WIPF2: variants seen among roughly 807,000 people sequenced by gnomAD.
WIPF2 encodes WAS/WASL interacting protein family member 2, also known as WAS/WASL-interacting protein family member 2.
Under a neutral mutation model 38.8 loss-of-function variants are expected in WIPF2, and 23 were observed. That is an observed-to-expected ratio of 0.59 (90% confidence interval 0.43 to 0.84). The LOEUF is 0.84. WIPF2 is among the 40% of genes least tolerant of loss of function. The pLI, the probability that WIPF2 is intolerant of heterozygous loss-of-function variation, is 0.00. For missense variants in WIPF2, 574 were observed against 580.5 expected (o/e 0.99, Z 0.11); for synonymous variants, 210 against 223.2 (o/e 0.94, Z 0.53).
At chr17:40,274,056 G>C in intron 6 of WIPF2, 57 bp downstream of exon 6, 1 of 1,403,012 alleles carries the variant, frequency 7.1e-7, no homozygotes, top group African/African-American at 1.5e-5. Flanking sequence ...ACCCACTCCA[G>C]TGCCATGGCT....
At chr17:40,251,378 ACC>A (rs2031557729) in intron 1 of WIPF2, among the ~76,000 whole-genome samples, 1 of 151,370 alleles carries the variant, frequency 6.6e-6, no homozygotes, top group East Asian at 1.9e-4. Context: ...CTCAAAGCAG[ACC>A]CTCTGCATTG....
chr17:40,278,371 C>T lies in WIPF2; in HGVS notation c.*146C>T, dbSNP rs1417988781. 14 of 892,450 alleles carry T rather than the reference C, an allele frequency of 1.6e-5. No individual in the cohort carries two copies. The East Asian group carries it at 3.7e-4, about 24-fold the overall frequency. 55.3% of individuals were successfully genotyped at this position (892,450 alleles called of 1,614,324 possible). On this transcript the variant is annotated 3_prime_UTR_variant, in exon 8 of 8. Transcript: ENST00000323571. ...CCCTAGACTCCAAATGTCCTCCCAGCTCACCTCCATCTATGCATCTCATCT... is the reference window on the plus strand; with the variant it reads ...CCCTAGACTCCAAATGTCCTCCCAGTTCACCTCCATCTATGCATCTCATCT...
chr17:40,224,057 A>G (rs919394057), intron 1 of WIPF2, among the ~76,000 whole-genome samples: 3 of 151,846 alleles, frequency 2.0e-5, no homozygotes, highest in Non-Finnish European at 4.4e-5. Flanking sequence ...GTTGCAGGCT[A>G]CAAAATATAT....
chr17:40,278,058 T>C, intron 7 of WIPF2, 127 bp from the exon 8 acceptor site: 1 of 1,130,688 alleles, frequency 8.8e-7, no homozygotes, highest in Non-Finnish European at 1.3e-6. Flanking sequence ...AAAACAATAA[T>C]AACACGTAGT....
chr17:40,258,578 G>A (rs1353525292), intron 2 of WIPF2, among the ~76,000 whole-genome samples: 5 of 151,926 alleles, frequency 3.3e-5, no homozygotes, highest in Non-Finnish European at 5.9e-5. Context: ...ATGACAGAGC[G>A]AGACTCTGTC....
chr17:40,263,505 CTAAAAGAGTATA>C (rs1385105199), intron 4 of WIPF2, among the ~76,000 whole-genome samples: 1 of 150,756 alleles, frequency 6.6e-6, no homozygotes, highest in Non-Finnish European at 1.5e-5. Flanking sequence ...TTCAAAATTG[CTAAAAGAGTATA>C]TTTTATTTTA....
intron 1 of WIPF2, among the ~76,000 whole-genome samples, chr17:40,253,708 A>G (rs1053151916): frequency 3.9e-5 from 6 of 152,150 alleles, no homozygotes; most frequent in African/African-American, 1.4e-4. Flanking sequence ...CACAGGAACC[A>G]CTTAGCCTGA....
chr17:40,224,563 A>G (rs762632382), intron 1 of WIPF2, among the ~76,000 whole-genome samples: 9 of 151,696 alleles, frequency 5.9e-5, no homozygotes, highest in Admixed American at 3.3e-4. Context: ...CTTCTTTAAC[A>G]TAATGATTTT....
chr17:40,232,710 G>T (rs1362419478), intron 1 of WIPF2, among the ~76,000 whole-genome samples: 1 of 151,072 alleles, frequency 6.6e-6, no homozygotes, highest in Non-Finnish European at 1.5e-5. Flanking sequence ...TGTGATCTCG[G>T]CTCACTGCAA....
chr17:40,261,895 C>G (rs2031917556), intron 3 of WIPF2, among the ~76,000 whole-genome samples: 1 of 147,136 alleles, frequency 6.8e-6, no homozygotes. Flanking sequence ...ACTGTGGTCT[C>G]CATCTCCTGA....
chr17:40,270,960 T>TA (rs1398852892), intron 5 of WIPF2, among the ~76,000 whole-genome samples: 2 of 152,014 alleles, frequency 1.3e-5, no homozygotes, highest in Non-Finnish European at 2.9e-5. Flanking sequence ...ATTCTGATAG[T>TA]AATCAGGAGG....
At chr17:40,255,628 ATT>A (rs1174598826) in intron 1 of WIPF2, among the ~76,000 whole-genome samples, 25 of 129,342 alleles carry the variant, frequency 1.9e-4, no homozygotes, top group South Asian at 1.5e-3. Context: ...CCCGGCCTAA[ATT>A]TTTTTTTTTT....
intron 5 of WIPF2, among the ~76,000 whole-genome samples, chr17:40,270,882 T>TTGTG (rs373553389): frequency 3.4e-4 from 51 of 150,362 alleles, no homozygotes; most frequent in Admixed American, 2.0e-4. Flanking sequence ...TTGTGCCAGA[T>TTGTG]TGTGTGTGTG....
At chr17:40,277,508 C>T (rs1300345694) in intron 7 of WIPF2, among the ~76,000 whole-genome samples, 1 of 151,898 alleles carries the variant, frequency 6.6e-6, no homozygotes, top group Non-Finnish European at 1.5e-5. Context: ...GGTGAAACCC[C>T]GTCTCTACTA....
chr17:40,234,163 T>C (rs2030860708), intron 1 of WIPF2, among the ~76,000 whole-genome samples: 1 of 152,064 alleles, frequency 6.6e-6, no homozygotes, highest in Non-Finnish European at 1.5e-5. Context: ...GGTAAGGAGA[T>C]TGAGACCATC....
At chr17:40,259,678 T>C (rs1157047294) in intron 2 of WIPF2, among the ~76,000 whole-genome samples, 1 of 152,202 alleles carries the variant, frequency 6.6e-6, no homozygotes, top group African/African-American at 2.4e-5. Flanking sequence ...AGATAGGATA[T>C]GAGTTTTTAG....
intron 1 of WIPF2, among the ~76,000 whole-genome samples, chr17:40,249,819 A>G (rs1465822823): frequency 6.6e-6 from 1 of 151,768 alleles, no homozygotes; most frequent in Non-Finnish European, 1.5e-5. Flanking sequence ...TCTGTGATGA[A>G]TTTGACATCA....
chr17:40,221,531 C>G (rs976139315), intron 1 of WIPF2, among the ~76,000 whole-genome samples: 1 of 151,762 alleles, frequency 6.6e-6, no homozygotes, highest in African/African-American at 2.4e-5. Flanking sequence ...TCTAAGAGTT[C>G]GAGACCATTC....
At chr17:40,233,901 T>TA (rs1172789531) in intron 1 of WIPF2, among the ~76,000 whole-genome samples, 1 of 152,096 alleles carries the variant, frequency 6.6e-6, no homozygotes, top group African/African-American at 2.4e-5. Context: ...ATATCTCTAC[T>TA]AAAAATACAA....
Sources: allele counts gnomAD v4.1 joint callset (sites outside exome capture counted in the v4.1 genomes callset), GRCh38; gene constraint gnomAD v4.1.1; transcripts MANE v1.5; gene names NCBI Gene and HGNC (gene_info 2026-07-23, HGNC 2026-07-21).